The following GALM variants were observed in gnomAD, a reference collection of about 807,000 sequenced individuals.
The protein encoded by GALM is aldose 1-epimerase.
In GALM, 43 loss-of-function variants were observed where a neutral mutation model predicts 37.4. That is an observed-to-expected ratio of 1.15 (90% confidence interval 0.90 to 1.48). GALM has a LOEUF of 1.48. Ranked by LOEUF, GALM falls within the 40% of genes most tolerant of loss-of-function variation. The pLI, the probability that GALM is intolerant of heterozygous loss-of-function variation, is 0.00. For missense variants in GALM, 456 were observed against 419.1 expected (o/e 1.09, Z -0.77); for synonymous variants, 199 against 170.6 (o/e 1.17, Z -1.30).
At chr2:38,723,698 G>A (rs1259243377) in intron 4 of GALM, among the ~76,000 whole-genome samples, 1 of 152,000 alleles carries the variant, frequency 6.6e-6, no homozygotes, top group African/African-American at 2.4e-5. Flanking sequence ...GGCTGAGGCA[G>A]GAGAATCCCT....
intron 4 of GALM, among the ~76,000 whole-genome samples, chr2:38,691,983 T>C (rs1325970183): frequency 6.6e-6 from 1 of 152,176 alleles, no homozygotes; most frequent in African/African-American, 2.4e-5. Context: ...TAACTCATAA[T>C]TCAGAACTAG....
At chr2:38,713,386 G>A (rs1459149073) in intron 4 of GALM, among the ~76,000 whole-genome samples, 1 of 152,118 alleles carries the variant, frequency 6.6e-6, no homozygotes, top group Admixed American at 6.5e-5. Flanking sequence ...GGCTGTCTTG[G>A]TTCTCTTAGA....
chr2:38,678,713 G>A (rs185516845), intron 2 of GALM, among the ~76,000 whole-genome samples: 246 of 152,264 alleles, frequency 1.6e-3, no homozygotes, highest in African/African-American at 5.7e-3. Context: ...TGCCTTCACT[G>A]TAGGTGAAGG....
intron 4 of GALM, among the ~76,000 whole-genome samples, chr2:38,722,157 C>T (rs1371883797): frequency 2.7e-5 from 4 of 149,824 alleles, no homozygotes; most frequent in African/African-American, 9.8e-5. Context: ...GTCAGGAGTT[C>T]GAGACCAGCC....
At chr2:38,712,975 G>A (rs1384749925) in intron 4 of GALM, among the ~76,000 whole-genome samples, 1 of 152,130 alleles carries the variant, frequency 6.6e-6, no homozygotes, top group African/African-American at 2.4e-5. Context: ...CTCTGACCCT[G>A]GGTGATTAAT....
rs201746603 is a variant in GALM, at chr2:38,675,515, A to AG, written c.191-394dup. On this transcript the variant is annotated intron_variant, in intron 1 of 6. Coordinates refer to ENST00000272252, the MANE Select transcript of GALM (RefSeq NM_138801.3). ...TGGCATGCAACACACCTTTGGATTG[A>AG]GGGTTTTTTTGTTTTTTTTTTTTTT... 3.8e-3 allele frequency among the ~76,000 whole-genome samples: 401 copies of AG among 104,714 alleles called. 22 individuals carry two copies. The highest frequency in any genetic ancestry group is 0.013 in the African/African-American group (353 of 27,028). The allele number at this position is 104,714 out of a possible 152,430, so 68.7% of individuals were successfully genotyped here. A position where few individuals can be genotyped will look rare whatever the true frequency, so the allele number is the denominator to read the frequency against.
In GALM at chr2:38,666,320, G is replaced by A. The variant is rs369271439; in HGVS notation, c.159G>A (p.Ser53=). 39 of 1,613,266 alleles carry A rather than the reference G, an allele frequency of 2.4e-5. No homozygotes were observed. Among genetic ancestry groups the A allele is most frequent in the Non-Finnish European group, 3.1e-5 (36 of 1,179,620 alleles). Residue 53 remains serine, a synonymous_variant, in exon 1 of 7, where the codon TCG becomes TCA. Transcript: ENST00000272252. The stretch of plus-strand genomic sequence containing the variant: ...TCAAAGACAGGCAGGGGAGAGCCTC[G>A]GACGTGGTGCTTGGCTTCGCCGAGT... The part of the protein sequence containing the change: ...LEVKDRQGRA[S]DVVLGFAELE...
Position 38,689,813 on chromosome 2 carries a change from G to A in GALM, c.553G>A (p.Ala185Thr). ...NHSYFNLAGQ[A>T]SPNINDHEVT... The stretch of plus-strand genomic sequence containing the variant: ...CCTTTCCCCTACCTTTTCCTCCCAG[G>A]CTTCCCCAAATATAAATGACCATGA... Residue 185 changes from alanine to threonine, a missense_variant and splice_region_variant, in exon 4 of 7, where the codon GCT becomes ACT. Physicochemically the swap from Ala to Thr is moderately conservative, Grantham distance 58. Transcript: ENST00000272252. 6.3e-7 allele frequency: 1 copy of A among 1,588,750 alleles called. No homozygotes were observed. The highest frequency in any genetic ancestry group is 8.6e-7 in the Non-Finnish European group (1 of 1,161,736).
chr2:38,724,655 C>G (rs1358042954), intron 4 of GALM, among the ~76,000 whole-genome samples: 1 of 152,164 alleles, frequency 6.6e-6, no homozygotes, highest in Admixed American at 6.5e-5. Flanking sequence ...AAAATTTCAT[C>G]ATTTTAGAAT....
chr2:38,666,493 A>G (rs1664941104), intron 1 of GALM, 142 bp downstream of exon 1: 1 of 619,316 alleles, frequency 1.6e-6, no homozygotes, highest in Admixed American at 3.1e-5. Context: ...AAGCGCATGC[A>G]TCATAGAGGG....
At chr2:38,715,548 C>T (rs1666253421) in intron 4 of GALM, among the ~76,000 whole-genome samples, 1 of 152,136 alleles carries the variant, frequency 6.6e-6, no homozygotes, top group Non-Finnish European at 1.5e-5. Context: ...AGTGATCCTC[C>T]CACCTCAACC....
intron 1 of GALM, among the ~76,000 whole-genome samples, chr2:38,667,249 G>A (rs367932237): frequency 4.4e-4 from 67 of 152,278 alleles, no homozygotes; most frequent in African/African-American, 1.5e-3. Flanking sequence ...AGTGGTTGGG[G>A]CGTAGACAAA....
intron 4 of GALM, among the ~76,000 whole-genome samples, chr2:38,693,962 T>C (rs905664056): frequency 6.6e-6 from 1 of 152,120 alleles, no homozygotes; most frequent in African/African-American, 2.4e-5. Flanking sequence ...CAAAGATTGG[T>C]TGAGCCCAGG....
chr2:38,671,088 G>A (rs199934694), intron 1 of GALM, among the ~76,000 whole-genome samples: 1 of 152,032 alleles, frequency 6.6e-6, no homozygotes, highest in African/African-American at 2.4e-5. Flanking sequence ...AGGAAAGGGG[G>A]AAGCGTTTCC....
In GALM at chr2:38,733,781, A is replaced by G; in HGVS notation, c.*216A>G. Reference sequence around the variant, plus strand: ...ACCAGCTCGATTCCCTGTGCAGTTCAGAGGGCAAGTGAACCCAACCAACAA... The same window carrying G: ...ACCAGCTCGATTCCCTGTGCAGTTCGGAGGGCAAGTGAACCCAACCAACAA... On this transcript the variant is annotated 3_prime_UTR_variant, in exon 7 of 7. Transcript: ENST00000272252. 1.8e-6 allele frequency: 1 copy of G among 551,012 alleles called. No homozygotes were observed. The highest frequency in any genetic ancestry group is 1.9e-5 in the South Asian group (1 of 52,178). The allele number at this position is 551,012 out of a possible 1,614,324, so 34.1% of individuals were successfully genotyped here. A position where few individuals can be genotyped will look rare whatever the true frequency, so the allele number is the denominator to read the frequency against.
intron 4 of GALM, among the ~76,000 whole-genome samples, chr2:38,702,683 T>A (rs2148443733): frequency 6.6e-6 from 1 of 152,094 alleles, no homozygotes; most frequent in Non-Finnish European, 1.5e-5. Flanking sequence ...AGATAATCCA[T>A]CAGGATTTAG....
chr2:38,729,473 G>T (rs1236605269), intron 4 of GALM, 83 bp from the exon 5 acceptor site: 1 of 1,256,036 alleles, frequency 8.0e-7, no homozygotes, highest in Non-Finnish European at 1.1e-6. Context: ...GGAGAGAGTA[G>T]AACCAGTGAG....
At chr2:38,677,988 C>G (rs1421880376) in intron 2 of GALM, among the ~76,000 whole-genome samples, 1 of 150,564 alleles carries the variant, frequency 6.6e-6, no homozygotes, top group African/African-American at 2.4e-5. Flanking sequence ...CACAGTGGCC[C>G]TGAGAGGGGT....
At chr2:38,693,960 G>T (rs1341757414) in intron 4 of GALM, among the ~76,000 whole-genome samples, 1 of 152,178 alleles carries the variant, frequency 6.6e-6, no homozygotes, top group Non-Finnish European at 1.5e-5. Context: ...ACCAAAGATT[G>T]GTTGAGCCCA....
Sources: gnomAD v4.1 joint callset for allele counts (sites outside exome capture counted in the v4.1 genomes callset) on GRCh38, gnomAD v4.1.1 for gene constraint, MANE v1.5 for transcripts, NCBI Gene and HGNC (gene_info 2026-07-23, HGNC 2026-07-21) for gene names.